Variants in DIP2C observed in about 807,000 individuals in gnomAD.
The protein encoded by DIP2C is DIP2 acetate--CoA ligase C (putative), also known as disco-interacting protein 2 homolog C.
DIP2C carries 33 observed loss-of-function variants against 192.4 expected under a neutral mutation model. That is an observed-to-expected ratio of 0.17 (90% CI 0.13 to 0.23). DIP2C has a LOEUF of 0.23. DIP2C is among the 10% of genes least tolerant of loss of function. The pLI is 1.00. For missense variants in DIP2C, 1,537 were observed against 2,110.1 expected, an observed-to-expected ratio of 0.73 and a Z score of 5.32; for synonymous variants, 979 against 864.1, an observed-to-expected ratio of 1.13 and a Z score of -2.33.
chr10:289,706 G>A (rs1001185937), intron 32 of DIP2C, among the ~76,000 whole-genome samples: 1 of 152,210 alleles, frequency 6.6e-6, no homozygotes, highest in Admixed American at 6.5e-5. Context: ...AAGCCTGAGT[G>A]TCTCCGGGCC....
At chr10:586,779 T>C (rs1426881203) in intron 1 of DIP2C, among the ~76,000 whole-genome samples, 1 of 152,242 alleles carries the variant, frequency 6.6e-6, no homozygotes, top group Non-Finnish European at 1.5e-5. Flanking sequence ...CTCAGATAGA[T>C]AATGGCTTAT....
chr10:633,502 T>G (rs537084223), intron 1 of DIP2C, among the ~76,000 whole-genome samples: 2 of 151,820 alleles, frequency 1.3e-5, no homozygotes, highest in Non-Finnish European at 2.9e-5. Context: ...TGGCCACGCC[T>G]CCCCTGCCTC....
chr10:483,505 C>T (rs762424232), intron 2 of DIP2C, among the ~76,000 whole-genome samples: 4 of 152,086 alleles, frequency 2.6e-5, no homozygotes, highest in East Asian at 1.9e-4. Context: ...CACCGCTGTC[C>T]GGAGTCCCCC....
chr10:624,496 G>A (rs1037506861), intron 1 of DIP2C, among the ~76,000 whole-genome samples: 1 of 152,180 alleles, frequency 6.6e-6, no homozygotes, highest in East Asian at 1.9e-4. Flanking sequence ...ACCAGAACAC[G>A]GCTCTTTAAG....
At chr10:405,760 G>A (rs10904138) in intron 9 of DIP2C, among the ~76,000 whole-genome samples, 46,430 of 152,042 alleles carry the variant, frequency 0.31, 8,206 homozygotes, top group Non-Finnish European at 0.41. Flanking sequence ...ATCAGGAGAC[G>A]CACACTCAAC....
At chr10:292,378 G>T (rs1281034830) in intron 32 of DIP2C, among the ~76,000 whole-genome samples, 1 of 152,206 alleles carries the variant, frequency 6.6e-6, no homozygotes, top group African/African-American at 2.4e-5. Context: ...CTCCAGTCCA[G>T]TATAAATCTT....
intron 1 of DIP2C, among the ~76,000 whole-genome samples, chr10:569,883 G>T (rs1849679567): frequency 6.6e-6 from 1 of 152,126 alleles, no homozygotes; most frequent in Non-Finnish European, 1.5e-5. Flanking sequence ...AGCCATCTGG[G>T]TTTACCTTCC....
At chr10:562,177 G>T (rs1849255193) in intron 1 of DIP2C, among the ~76,000 whole-genome samples, 1 of 152,254 alleles carries the variant, frequency 6.6e-6, no homozygotes, top group Non-Finnish European at 1.5e-5. Context: ...CCCAGTTACA[G>T]GCAGAGGGTT....
chr10:653,056 C>T (rs1856047817), intron 1 of DIP2C, among the ~76,000 whole-genome samples: 1 of 152,088 alleles, frequency 6.6e-6, no homozygotes, highest in South Asian at 2.1e-4. Context: ...CCTGGAAGCC[C>T]TCCTGGCCAG....
chr10:410,681 C>T (rs1233074746), intron 8 of DIP2C, among the ~76,000 whole-genome samples: 1 of 152,222 alleles, frequency 6.6e-6, no homozygotes, highest in East Asian at 1.9e-4. Context: ...ATCAATTACA[C>T]TCAATTAGCA....
At chr10:432,525 TC>T (rs1451177055) in intron 4 of DIP2C, among the ~76,000 whole-genome samples, 3 of 152,238 alleles carry the variant, frequency 2.0e-5, no homozygotes, top group Non-Finnish European at 2.9e-5. Flanking sequence ...TGTAGTTATG[TC>T]CCTTATTTCA....
chr10:474,264 GTCA>G (rs1308083894), intron 2 of DIP2C, among the ~76,000 whole-genome samples: 2 of 152,130 alleles, frequency 1.3e-5, no homozygotes, highest in Non-Finnish European at 2.9e-5. Flanking sequence ...CGCCACTGTG[GTCA>G]TCAACATCAG....
At chr10:571,734 G>C (rs1849828209) in intron 1 of DIP2C, among the ~76,000 whole-genome samples, 1 of 152,194 alleles carries the variant, frequency 6.6e-6, no homozygotes, top group Admixed American at 6.5e-5. Context: ...TGTCCACTCA[G>C]TGTCCTCACG....
At position 361,964 on chromosome 10, in the gene DIP2C, C is replaced by G. The variant is rs117096654; in HGVS notation, c.2794+526G>C. Among the ~76,000 whole-genome samples, 46 of 151,738 alleles carry G rather than the reference C, an allele frequency of 3.0e-4. No individual in the cohort carries two copies. In the East Asian group the frequency reaches 7.9e-3, roughly 26 times the overall value. ...ACAACAGTGTGGGGGGAAAACTGTG[C>G]CAATCAAACACCAGAGACCATGAGA... On this transcript the variant is annotated intron_variant, in intron 22 of 36. Transcript: ENST00000280886.
intron 1 of DIP2C, among the ~76,000 whole-genome samples, chr10:568,392 G>A (rs1456648036): frequency 6.6e-6 from 1 of 152,138 alleles, no homozygotes; most frequent in African/African-American, 2.4e-5. Context: ...AGACCCAAAT[G>A]AGAGCAAAAA....
intron 1 of DIP2C, chr10:662,834 A>G (rs1387506778): frequency 1.4e-6 from 1 of 717,390 alleles, no homozygotes; most frequent in Admixed American, 2.0e-5. Context: ...GTGGTTGAGG[A>G]AAGAGGCCAC....
chr10:542,772 T>C (rs1044435807), intron 1 of DIP2C, among the ~76,000 whole-genome samples: 1 of 151,902 alleles, frequency 6.6e-6, no homozygotes, highest in African/African-American at 2.4e-5. Flanking sequence ...CTTGTCCCTC[T>C]CTATACCACA....
chr10:600,119 C>T (rs1851960600), intron 1 of DIP2C, among the ~76,000 whole-genome samples: 1 of 152,294 alleles, frequency 6.6e-6, no homozygotes, highest in Admixed American at 6.5e-5. Flanking sequence ...TATGGGCACA[C>T]AGAGACCCTG....
At chr10:310,175 C>T in intron 31 of DIP2C, 83 bp from the exon 32 acceptor site, 1 of 1,299,914 alleles carries the variant, frequency 7.7e-7, no homozygotes. Context: ...GGAAACATTT[C>T]TTTTGTAAAA....
Sources: allele counts gnomAD v4.1 joint callset (sites outside exome capture counted in the v4.1 genomes callset), GRCh38; gene constraint gnomAD v4.1.1; transcripts MANE v1.5; gene names NCBI Gene and HGNC (gene_info 2026-07-23, HGNC 2026-07-21).